Variants in F13B observed in about 807,000 individuals in gnomAD.
F13B encodes TGase.
Under a neutral mutation model 79.8 loss-of-function variants are expected in F13B, and 58 were observed. The observed-to-expected ratio is 0.73, with a 90% CI of 0.59 to 0.90. F13B has a LOEUF of 0.90. Ranked by LOEUF, F13B falls within the 40% of genes least tolerant of loss-of-function variation. The pLI, the probability that F13B is intolerant of heterozygous loss-of-function variation, is 0.00. For synonymous variants in F13B, 283 were observed against 260.3 expected (o/e 1.09, Z -0.84); for missense variants, 773 against 777.0 (o/e 0.99, Z 0.06).
rs182784762 is a variant in F13B at position 197,060,892 on chromosome 1, A to G, written c.628+7T>C. The G allele has an allele frequency of 8.2e-5, 132 of 1,611,966 alleles. No homozygotes were observed. The East Asian group carries it at 2.9e-3, about 36-fold the overall frequency. ...GAGAGTAGATTTTATTCCAAATGAG[A>G]ACCTACTGGTACATTTTGGTGTGAG... is the stretch of plus-strand genomic sequence containing the variant. On this transcript the variant is annotated splice_region_variant and intron_variant, in intron 4 of 11. Coordinates refer to ENST00000367412, the MANE Select transcript of F13B (RefSeq NM_001994.3).
At chr1:197,055,691 C>T (rs1350656002) in intron 8 of F13B, 24 bp downstream of exon 8, 1 of 1,607,622 alleles carries the variant, frequency 6.2e-7, no homozygotes, top group African/African-American at 1.3e-5. Flanking sequence ...CAAACGTAGA[C>T]ATTCCATGTG....
chr1:197,049,823 A>G (rs1404063550), intron 10 of F13B, among the ~76,000 whole-genome samples: 2 of 152,168 alleles, frequency 1.3e-5, no homozygotes, highest in Non-Finnish European at 2.9e-5. Context: ...ATAATTTATC[A>G]CAACCTTGTG....
rs942021767 is a variant in F13B, at chr1:197,065,239, C to G, written c.64+1921G>C. Among the ~76,000 whole-genome samples the G allele has an allele frequency of 3.9e-5, 6 of 152,122 alleles. No homozygotes were observed. In the South Asian group the frequency reaches 1.0e-3, roughly 26 times the overall value. ...TCTGCACAACAATCCTAGGTTGTGG[C>G]TTTAAAGACTCTCTGTCCTGGGACA... On this transcript the variant is annotated intron_variant, in intron 1 of 11. Transcript: ENST00000367412.
At chr1:197,066,195 TTC>T in intron 1 of F13B, among the ~76,000 whole-genome samples, 1 of 152,272 alleles carries the variant, frequency 6.6e-6, no homozygotes, top group East Asian at 1.9e-4. Context: ...ATAAGATTAA[TTC>T]TGTGTCTTTC....
At chr1:197,044,525 G>T (rs1655157346) in intron 10 of F13B, among the ~76,000 whole-genome samples, 1 of 152,012 alleles carries the variant, frequency 6.6e-6, no homozygotes, top group Non-Finnish European at 1.5e-5. Flanking sequence ...TTAGAGACCT[G>T]CAAAGAGATT....
At chr1:197,054,507 T>C (rs1392657318) in intron 8 of F13B, among the ~76,000 whole-genome samples, 3 of 151,890 alleles carry the variant, frequency 2.0e-5, no homozygotes, top group Admixed American at 6.6e-5. Context: ...CATACACTTA[T>C]ATATACTTAA....
intron 2 of F13B, among the ~76,000 whole-genome samples, chr1:197,062,617 T>C (rs1655903797): frequency 6.6e-6 from 1 of 152,164 alleles, no homozygotes; most frequent in Admixed American, 6.6e-5. Context: ...TTTCAGTTAT[T>C]ACCCTATTCC....
chr1:197,065,688 T>A (rs1656021806), intron 1 of F13B, among the ~76,000 whole-genome samples: 1 of 152,166 alleles, frequency 6.6e-6, no homozygotes, highest in Admixed American at 6.6e-5. Flanking sequence ...TACAGACTGA[T>A]GACATTCTTA....
At chr1:197,044,286 T>A (rs1239917840) in intron 10 of F13B, among the ~76,000 whole-genome samples, 2 of 152,036 alleles carry the variant, frequency 1.3e-5, no homozygotes, top group Admixed American at 6.6e-5. Context: ...CTCAGCAGTC[T>A]GAGATCAACC....
rs750914090 is a variant in F13B, at chr1:197,055,748, G to A, written c.1321C>T (p.Gln441Ter). 6.2e-7 allele frequency: 1 copy of A among 1,613,360 alleles called. No individual in the cohort carries two copies. The highest frequency in any genetic ancestry group is 8.5e-7 in the Non-Finnish European group (1 of 1,179,656). Residue 441 changes from glutamine to a stop codon, truncating the protein, a stop_gained, in exon 8 of 12, where the codon CAA becomes TAA. Coordinates refer to ENST00000367412, the MANE Select transcript of F13B (RefSeq NM_001994.3). LOFTEE classifies it high-confidence loss of function. ...ACAGGTGGGGATGACCATTTTCCTT[G>A]TTCGCAACGAGATATTTTTGATCCC... is the stretch of plus-strand genomic sequence containing the variant. The part of the protein sequence containing the change: ...LRGSKISRCE[Q>*]GKWSSPPVCL...
chr1:197,039,500 T>G, intron 11 of F13B, 89 bp from the exon 12 acceptor site: 1 of 985,108 alleles, frequency 1.0e-6, no homozygotes. Context: ...TTTCATATAA[T>G]GAGTCATTGT....
At chr1:197,066,378 C>T (rs1656048858) in intron 1 of F13B, among the ~76,000 whole-genome samples, 1 of 152,102 alleles carries the variant, frequency 6.6e-6, no homozygotes, top group Non-Finnish European at 1.5e-5. Flanking sequence ...CTTGCTAATG[C>T]TAAGTGTCCT....
At chr1:197,054,176 CT>C (rs1478179865) in intron 8 of F13B, among the ~76,000 whole-genome samples, 1 of 152,080 alleles carries the variant, frequency 6.6e-6, no homozygotes, top group African/African-American at 2.4e-5. Flanking sequence ...ACCTAACTCT[CT>C]TGAGGCAGTT....
At chr1:197,048,141 T>C (rs1382787936) in intron 10 of F13B, among the ~76,000 whole-genome samples, 2 of 149,252 alleles carry the variant, frequency 1.3e-5, no homozygotes, top group African/African-American at 5.1e-5. Flanking sequence ...ATTATATATA[T>C]ATATGTGTAT....
In F13B at chr1:197,060,678, G is replaced by A. The variant is rs934564392; in HGVS notation, c.629-136C>T. 53 of 737,026 alleles carry A rather than the reference G, an allele frequency of 7.2e-5. No individual in the cohort carries two copies. The African/African-American group carries it at 8.9e-4, about 12-fold the overall frequency. 45.7% of individuals were successfully genotyped at this position (737,026 alleles called of 1,614,324 possible). The stretch of plus-strand genomic sequence containing the variant: ...GCTTATGAATTCATTTTATATATTT[G>A]TTAAATATCATTAGGCTTATTCTAA... On this transcript the variant is annotated intron_variant, in intron 4 of 11. Transcript: ENST00000367412.
chr1:197,061,758 T>G, intron 3 of F13B, 26 bp downstream of exon 3: 1 of 1,596,738 alleles, frequency 6.3e-7, no homozygotes, highest in Non-Finnish European at 8.6e-7. Flanking sequence ...GCACTTATCT[T>G]CAGTTTTAGG....
chr1:197,041,662 A>G (rs1655040912), intron 10 of F13B, among the ~76,000 whole-genome samples: 1 of 152,114 alleles, frequency 6.6e-6, no homozygotes, highest in Non-Finnish European at 1.5e-5. Flanking sequence ...TGCATGCCTG[A>G]AACCGCAGAT....
At position 197,048,456 on chromosome 1, in the gene F13B, G is replaced by C. The variant is rs17549748; in HGVS notation, c.1738+2241C>G. Among the ~76,000 whole-genome samples, 914 of 151,942 alleles carry C rather than the reference G, an allele frequency of 6.0e-3. 16 individuals are homozygous for C. Among genetic ancestry groups the C allele is most frequent in the African/African-American group, 0.021 (877 of 41,464 alleles). ...ATGGAAAAATGTGTACTACATGAAT[G>C]CTTGTCAAAAGCCCCTTGGTGCAGC... On this transcript the variant is annotated intron_variant, in intron 10 of 11. Coordinates refer to ENST00000367412, the MANE Select transcript of F13B (RefSeq NM_001994.3).
chr1:197,061,869 G>A lies in F13B; in HGVS notation c.366C>T (p.Tyr122=), dbSNP rs748812377. 2.4e-5 allele frequency: 38 copies of A among 1,613,128 alleles called. 1 individual carries two copies. In the South Asian group the frequency reaches 4.2e-4, roughly 18 times the overall value. The change falls in exon 3 of 12, where the codon TAC becomes TAT. Residue 122 remains tyrosine (Y), a synonymous_variant. Coordinates refer to ENST00000367412, the MANE Select transcript of F13B (RefSeq NM_001994.3). ...CTTCATCCTTCCCTCCAGTGGTTTT[G>A]TACCCTGAAGCGCAACCATAACGCA... ...ENMRYGCASG[Y]KTTGGKDEEV... is the part of the protein sequence containing the mutation.
Sources: gnomAD v4.1 joint callset for allele counts (sites outside exome capture counted in the v4.1 genomes callset) on GRCh38, gnomAD v4.1.1 for gene constraint, MANE v1.5 for transcripts, NCBI Gene and HGNC (gene_info 2026-07-23, HGNC 2026-07-21) for gene names.